The following WDR47 variants were observed in gnomAD, a reference collection of about 807,000 sequenced individuals.
WDR47 encodes WD repeat-containing protein 47.
Under a neutral mutation model 97.2 loss-of-function variants are expected in WDR47, and 32 were observed. The ratio of observed to expected loss-of-function variants is 0.33; its 90% CI spans 0.25 to 0.44. The LOEUF is 0.44. Among genes scored for constraint, WDR47 ranks in the 20% least tolerant of loss-of-function variants. The pLI is 1.00. For synonymous variants in WDR47, 375 were observed against 373.5 expected, an observed-to-expected ratio of 1.00 and a Z score of -0.05; for missense variants, 782 against 1,102.3, an observed-to-expected ratio of 0.71 and a Z score of 4.11.
intron 9 of WDR47, among the ~76,000 whole-genome samples, chr1:108,990,983 T>C (rs1303610872): frequency 6.6e-6 from 1 of 151,700 alleles, no homozygotes; most frequent in African/African-American, 2.4e-5. Context: ...GCAGTAAAAG[T>C]TTGTGGGGTT....
chr1:108,972,412 C>G (rs1399207109), intron 14 of WDR47, among the ~76,000 whole-genome samples: 1 of 152,098 alleles, frequency 6.6e-6, no homozygotes, highest in Non-Finnish European at 1.5e-5. Flanking sequence ...CCCAAATTCT[C>G]CAAAAATATA....
intron 1 of WDR47, among the ~76,000 whole-genome samples, chr1:109,037,277 C>T (rs180965411): frequency 2.1e-4 from 31 of 150,714 alleles, no homozygotes; most frequent in African/African-American, 6.6e-4. Flanking sequence ...TGCGGTGAGC[C>T]GACATCACGC....
chr1:109,016,327 C>T (rs1402995217), intron 3 of WDR47, among the ~76,000 whole-genome samples: 2 of 151,786 alleles, frequency 1.3e-5, no homozygotes, highest in Non-Finnish European at 2.9e-5. Context: ...CACTTGAGCC[C>T]AGGAGGTAAG....
At chr1:109,033,221 G>C (rs1321723560) in intron 1 of WDR47, among the ~76,000 whole-genome samples, 2 of 152,054 alleles carry the variant, frequency 1.3e-5, no homozygotes, top group Non-Finnish European at 1.5e-5. Context: ...TTGAACCCAG[G>C]GGGGCAGAGG....
chr1:109,036,017 A>T (rs1371061952), intron 1 of WDR47, among the ~76,000 whole-genome samples: 1 of 152,054 alleles, frequency 6.6e-6, no homozygotes, highest in Non-Finnish European at 1.5e-5. Context: ...AGCAAAAAAG[A>T]ACTATGAAAA....
chr1:108,978,292 G>A (rs1016031975), intron 13 of WDR47, among the ~76,000 whole-genome samples: 1 of 151,810 alleles, frequency 6.6e-6, no homozygotes, highest in Non-Finnish European at 1.5e-5. Context: ...TGGCTAACAT[G>A]GTGAAACCCC....
Position 108,982,601 on chromosome 1 carries a change from T to C in WDR47, c.2266+8A>G. 3 of 1,585,310 alleles carry C rather than the reference T, an allele frequency of 1.9e-6. No homozygotes were observed. Among genetic ancestry groups the C allele is most frequent in the Non-Finnish European group, 2.6e-6 (3 of 1,171,932 alleles). Reference sequence around the variant, plus strand: ...AGAAAAACAGCACTTGAAACTGATATTACATACCAGTATGTCCACTCAAAG... The same window carrying C: ...AGAAAAACAGCACTTGAAACTGATACTACATACCAGTATGTCCACTCAAAG... On this transcript the variant is annotated splice_region_variant and intron_variant, in intron 12 of 14. Coordinates refer to ENST00000369962, the MANE Select transcript of WDR47 (RefSeq NM_001142551.2).
intron 8 of WDR47, among the ~76,000 whole-genome samples, chr1:108,994,079 T>C (rs914207827): frequency 1.3e-5 from 2 of 152,120 alleles, no homozygotes; most frequent in African/African-American, 4.8e-5. Context: ...ATGAGGAGTA[T>C]GGTAGAGAAT....
intron 9 of WDR47, among the ~76,000 whole-genome samples, chr1:108,988,112 G>A (rs1326672430): frequency 6.7e-6 from 1 of 150,034 alleles, no homozygotes; most frequent in Non-Finnish European, 1.5e-5. Flanking sequence ...GGCTGTGGTG[G>A]TATGCACCTG....
At chr1:109,005,671 G>A (rs942024115) in intron 5 of WDR47, among the ~76,000 whole-genome samples, 1 of 151,686 alleles carries the variant, frequency 6.6e-6, no homozygotes, top group Non-Finnish European at 1.5e-5. Flanking sequence ...TCAGGAGATC[G>A]AGACCATCTG....
At chr1:108,991,516 AG>A (rs1013706775) in intron 8 of WDR47, among the ~76,000 whole-genome samples, 187 bp from the exon 9 acceptor site, 1 of 152,196 alleles carries the variant, frequency 6.6e-6, no homozygotes, top group African/African-American at 2.4e-5. Flanking sequence ...TGTAAGGAGG[AG>A]ATGAAAAGCC....
intron 5 of WDR47, among the ~76,000 whole-genome samples, chr1:109,007,698 C>A (rs1430679818): frequency 6.6e-6 from 1 of 152,116 alleles, no homozygotes; most frequent in Admixed American, 6.6e-5. Flanking sequence ...TGCAAGTCAA[C>A]GCTTTATTAT....
chr1:108,983,552 G>T, intron 10 of WDR47, 101 bp from the exon 11 acceptor site: 1 of 1,011,196 alleles, frequency 9.9e-7, no homozygotes, highest in Non-Finnish European at 1.3e-6. Context: ...GAGAAAAAGC[G>T]TGTCAGACAA....
At chr1:109,008,032 G>C (rs1411281866) in intron 5 of WDR47, among the ~76,000 whole-genome samples, 1 of 151,684 alleles carries the variant, frequency 6.6e-6, no homozygotes, top group Non-Finnish European at 1.5e-5. Context: ...AACCCAGGAG[G>C]CAGAGGTTGC....
rs2101813774 is a variant in WDR47 at position 108,981,714 on chromosome 1, C to A, written c.2398+19G>T. 3 of 1,602,572 alleles carry A rather than the reference C, an allele frequency of 1.9e-6. No individual in the cohort carries two copies. Among genetic ancestry groups the A allele is most frequent in the South Asian group, 2.2e-5 (2 of 89,046 alleles). ...TACAAAGTTTTTTTCCCATATATAT[C>A]ATTTAAAGAAAAACCTACCAGTTCC... On this transcript the variant is annotated intron_variant, in intron 13 of 14. Coordinates refer to ENST00000369962, the MANE Select transcript of WDR47 (RefSeq NM_001142551.2).
chr1:108,975,817 G>A lies in WDR47; in HGVS notation c.2399-1063C>T, dbSNP rs555934877. Among the ~76,000 whole-genome samples the A allele has an allele frequency of 5.3e-5, 8 of 152,064 alleles. No individual in the cohort carries two copies. The South Asian group carries it at 6.2e-4, about 12-fold the overall frequency. On this transcript the variant is annotated intron_variant, in intron 13 of 14. Transcript: ENST00000369962. ...AGTATGTATGTATGTATACACAGGCGAACACATACATTTGTATGTAATAAA... is the reference window on the plus strand; with the variant it reads ...AGTATGTATGTATGTATACACAGGCAAACACATACATTTGTATGTAATAAA...
intron 6 of WDR47, 30 bp from the exon 7 acceptor site, chr1:109,002,432 T>G (rs1660287151): frequency 6.7e-7 from 1 of 1,503,204 alleles, no homozygotes; most frequent in South Asian, 1.3e-5. Flanking sequence ...AACATATATA[T>G]TTGAGCAAAC....
chr1:109,018,012 G>T (rs1661545582), intron 2 of WDR47, among the ~76,000 whole-genome samples: 1 of 151,808 alleles, frequency 6.6e-6, no homozygotes, highest in Non-Finnish European at 1.5e-5. Context: ...GCCTCTCAAA[G>T]TGCTGGGATT....
intron 3 of WDR47, among the ~76,000 whole-genome samples, chr1:109,015,266 T>C (rs969898984): frequency 6.6e-6 from 1 of 152,216 alleles, no homozygotes. Flanking sequence ...TTTCTGCATA[T>C]AACAACAATA....
Sources: gnomAD v4.1 joint callset for allele counts (sites outside exome capture counted in the v4.1 genomes callset) on GRCh38, gnomAD v4.1.1 for gene constraint, MANE v1.5 for transcripts, NCBI Gene and HGNC (gene_info 2026-07-23, HGNC 2026-07-21) for gene names.